Variants in ZNF500 observed in about 807,000 individuals in gnomAD.
ZNF500 encodes zinc finger protein with KRAB and SCAN domains 18.
In ZNF500, 31 loss-of-function variants were observed where a neutral mutation model predicts 30.1. The ratio of observed to expected loss-of-function variants is 1.03; its 90% CI spans 0.77 to 1.39. The LOEUF is 1.39. Among genes scored for constraint, ZNF500 ranks in the 40% most tolerant of loss-of-function variants. The pLI is 0.00. For synonymous variants in ZNF500, 392 were observed against 282.0 expected, an observed-to-expected ratio of 1.39 and a Z score of -3.91; for missense variants, 817 against 657.8, an observed-to-expected ratio of 1.24 and a Z score of -2.65.
Position 4,752,362 on chromosome 16 carries a change from T to A in ZNF500, c.*14A>T, listed in dbSNP as rs771660998. Reference sequence around the variant, plus strand: ...GGGATGAGAGTCCTGGAAAGGGAGTTTCAGGCCTGGTGATCAGGCTTTGGC... The same window carrying A: ...GGGATGAGAGTCCTGGAAAGGGAGTATCAGGCCTGGTGATCAGGCTTTGGC... On this transcript the variant is annotated 3_prime_UTR_variant, in exon 6 of 6. Transcript: ENST00000219478. 3.4e-6 allele frequency: 5 copies of A among 1,471,116 alleles called. No individual in the cohort carries two copies. The South Asian group carries it at 6.7e-5, about 20-fold the overall frequency. The allele number at this position is 1,471,116 out of a possible 1,614,324, so 91.1% of individuals were successfully genotyped here. A position where few individuals can be genotyped will look rare whatever the true frequency, so the allele number is the denominator to read the frequency against.
At chr16:4,753,724 G>T (rs988090705) in intron 5 of ZNF500, among the ~76,000 whole-genome samples, 1 of 152,222 alleles carries the variant, frequency 6.6e-6, no homozygotes, top group Non-Finnish European at 1.5e-5. Flanking sequence ...TGGGGAGGGG[G>T]TTGTAAATGG....
Position 4,765,547 on chromosome 16 carries a change from C to T in ZNF500, c.414+18G>A. ...GGGCCCCATTTCCTCACCTGAGGGT[C>T]AAAATGCCCCCACTCACCCGCTGCC... On this transcript the variant is annotated intron_variant, in intron 2 of 5. Coordinates refer to ENST00000219478, the MANE Select transcript of ZNF500 (RefSeq NM_021646.4). 1 of 1,564,648 alleles carries T rather than the reference C, an allele frequency of 6.4e-7. No individual in the cohort carries two copies. The highest frequency in any genetic ancestry group is 8.7e-7 in the Non-Finnish European group (1 of 1,154,114).
chr16:4,755,839 G>A (rs74525577), intron 5 of ZNF500, among the ~76,000 whole-genome samples: 2,487 of 152,216 alleles, frequency 0.016, 44 homozygotes, highest in Middle Eastern at 0.048. Context: ...TCAACAAAAC[G>A]TGGTCTATCC....
downstream of ZNF500, chr16:4,746,963 G>A (rs184886290): frequency 3.2e-6 from 5 of 1,554,602 alleles, no homozygotes; most frequent in East Asian, 2.4e-5. Context: ...AGGAGGAGGA[G>A]GAGGAAGAGA....
At chr16:4,762,796 G>T (rs369217269) in intron 2 of ZNF500, 40 bp from the exon 3 acceptor site, 2 of 1,540,384 alleles carry the variant, frequency 1.3e-6, no homozygotes, top group Non-Finnish European at 1.8e-6. Context: ...CTCCCAGAAG[G>T]CCAGAAGGAA....
intron 1 of ZNF500, 40 bp from the exon 2 acceptor site, chr16:4,766,116 G>A: frequency 2.8e-6 from 3 of 1,086,992 alleles, no homozygotes; most frequent in Non-Finnish European, 3.7e-6. Flanking sequence ...GGCAGCCCTG[G>A]GGCTGGATAA....
intron 5 of ZNF500, among the ~76,000 whole-genome samples, chr16:4,759,078 A>C (rs2082169563): frequency 2.3e-5 from 2 of 88,174 alleles, no homozygotes; most frequent in Non-Finnish European, 4.4e-5. Flanking sequence ...GTATGGTGGC[A>C]CACACCTGTA....
chr16:4,765,828 G>C lies in ZNF500; in HGVS notation c.151C>G (p.Gln51Glu), dbSNP rs778544416. 6 of 1,613,670 alleles carry C rather than the reference G, an allele frequency of 3.7e-6. No individual in the cohort carries two copies. The highest frequency in any genetic ancestry group is 5.1e-6 in the Non-Finnish European group (6 of 1,180,006). ...TEDPSPETFR[Q>E]LFRLFCYQEV... ...TGGTAGCAGAAGAGCCGGAAGAGCT[G>C]GCGGAAAGTCTCAGGGCTGGGGTCC... The change falls in exon 2 of 6, where the codon CAG becomes GAG. Residue 51 changes from glutamine to glutamate, a missense_variant. Coordinates refer to ENST00000219478, the MANE Select transcript of ZNF500 (RefSeq NM_021646.4).
chr16:4,753,919 T>G (rs2082110509), intron 5 of ZNF500, among the ~76,000 whole-genome samples: 1 of 152,168 alleles, frequency 6.6e-6, no homozygotes, highest in Non-Finnish European at 1.5e-5. Context: ...GTACTTGGTG[T>G]GGCCCCTGAG....
At chr16:4,746,580 C>A (rs1284644825), downstream of ZNF500, 4 of 1,520,486 alleles carry the variant, frequency 2.6e-6, no homozygotes, top group Non-Finnish European at 2.7e-6. Flanking sequence ...CCGCACAGAG[C>A]CTCTGGTGGA....
chr16:4,752,397 TCCAGGAGCCACCG>T lies in ZNF500; in HGVS notation c.1409_1421del (p.Pro470GlnfsTer12). 1 of 1,517,730 alleles carries T rather than the reference TCCAGGAGCCACCG, an allele frequency of 6.6e-7. No homozygotes were observed. Among genetic ancestry groups the T allele is most frequent in the Non-Finnish European group, 8.8e-7 (1 of 1,135,794 alleles). The allele number at this position is 1,517,730 out of a possible 1,614,324, so 94.0% of individuals were successfully genotyped here. On this transcript the variant is annotated frameshift_variant, in exon 6 of 6. Coordinates refer to ENST00000219478, the MANE Select transcript of ZNF500 (RefSeq NM_021646.4). LOFTEE classifies it low-confidence loss of function (END_TRUNC). ...GTGATCAGGCTTTGGCACCGGGGCCTCCAGGAGCCACCGGCTGGAGCGTCGGCAAGGAGCCTGC... is the reference window on the plus strand; with the variant it reads ...GTGATCAGGCTTTGGCACCGGGGCCTGCTGGAGCGTCGGCAAGGAGCCTGC...
chr16:4,763,043 G>T (rs1376618138), intron 2 of ZNF500: 1 of 985,320 alleles, frequency 1.0e-6, no homozygotes, highest in Non-Finnish European at 1.2e-6. Flanking sequence ...TGGGCCAGAA[G>T]AGCCCTGAGT....
chr16:4,747,081 G>A, downstream of ZNF500: 29 of 1,461,616 alleles, frequency 2.0e-5, no homozygotes, highest in Non-Finnish European at 2.6e-5. Context: ...GCTTTCTGCA[G>A]CAAGCCCTCC....
chr16:4,752,517 C>T lies in ZNF500; in HGVS notation c.1302G>A (p.Glu434=). The part of the protein sequence containing the change: ...FSAHRRTHTG[E]KPYTCPACGR... ...CACAGGCCGGGCAGGTGTAGGGCTTCTCACCTGTGTGCGTCCGGCGGTGGG... is the reference window on the plus strand; with the variant it reads ...CACAGGCCGGGCAGGTGTAGGGCTTTTCACCTGTGTGCGTCCGGCGGTGGG... Residue 434 remains glutamate, a synonymous_variant, in exon 6 of 6, where the codon GAG becomes GAA. Transcript: ENST00000219478. The T allele has an allele frequency of 6.4e-7, 1 of 1,559,566 alleles. No homozygotes were observed. The highest frequency in any genetic ancestry group is 8.6e-7 in the Non-Finnish European group (1 of 1,157,298).
At chr16:4,764,681 C>G (rs576606199) in intron 2 of ZNF500, among the ~76,000 whole-genome samples, 5 of 150,434 alleles carry the variant, frequency 3.3e-5, no homozygotes, top group African/African-American at 1.2e-4. Flanking sequence ...GCTGAGGAGG[C>G]TGAGGCAGGA....
Position 4,749,308 on chromosome 16 carries a change from T to G in ZNF500, c.*3068A>C, listed in dbSNP as rs1256389453. 6.5e-6 allele frequency: 1 copy of G among 154,450 alleles called. No individual in the cohort carries two copies. Among genetic ancestry groups the G allele is most frequent in the Non-Finnish European group, 1.5e-5 (1 of 68,236 alleles). 9.6% of individuals were successfully genotyped at this position (154,450 alleles called of 1,614,324 possible). A position where few individuals can be genotyped will look rare whatever the true frequency, so the allele number is the denominator to read the frequency against. On this transcript the variant is annotated 3_prime_UTR_variant, in exon 6 of 6. Transcript: ENST00000219478. ...AGGCTTTTTTTTTCTTCAACCCCAT[T>G]TTCTTCCATTTCTCCCACCTTTTTA...
downstream of ZNF500, chr16:4,744,981 A>C: frequency 2.5e-6 from 4 of 1,613,804 alleles, no homozygotes; most frequent in Non-Finnish European, 2.5e-6. Context: ...GACACTCCCC[A>C]GGACACCAAA....
At chr16:4,747,704 G>A (rs1030364639), downstream of ZNF500, 3 of 1,467,356 alleles carry the variant, frequency 2.0e-6, no homozygotes, top group Admixed American at 2.4e-5. Context: ...GTGTCCCCTT[G>A]TTGTTCCTGC....
chr16:4,753,014 C>A lies in ZNF500; in HGVS notation c.805G>T (p.Ala269Ser), dbSNP rs1241708275. ...LEDGGDGRED[A>S]PLRMEWYRVL... ...CGGTACCACTCCATTCTCAACGGGG[C>A]ATCCTCCCTGCCATCACCGCCGTCC... is the stretch of plus-strand genomic sequence containing the variant. The change falls in exon 6 of 6, where the codon GCC becomes TCC. Residue 269 changes from alanine to serine, a missense_variant. By Grantham distance (99) the Ala-to-Ser change is moderately conservative. Transcript: ENST00000219478. The A allele has an allele frequency of 1.9e-6, 3 of 1,558,250 alleles. No homozygotes were observed. Among genetic ancestry groups the A allele is most frequent in the African/African-American group, 2.7e-5 (2 of 73,742 alleles).
Sources: gnomAD v4.1 joint callset for allele counts (sites outside exome capture counted in the v4.1 genomes callset) on GRCh38, gnomAD v4.1.1 for gene constraint, MANE v1.5 for transcripts, NCBI Gene and HGNC (gene_info 2026-07-23, HGNC 2026-07-21) for gene names.